The following RCAN1 variants were observed in gnomAD, a reference collection of about 807,000 sequenced individuals.
The protein encoded by RCAN1 is regulator of calcineurin 1, also known as calcipressin-1.
Under a neutral mutation model 22.9 loss-of-function variants are expected in RCAN1, and 11 were observed. The observed-to-expected ratio is 0.48, with a 90% CI of 0.30 to 0.79. RCAN1 has a LOEUF of 0.79. Ranked by LOEUF, RCAN1 falls within the 30% of genes least tolerant of loss-of-function variation. RCAN1 has a pLI of 0.06. For synonymous variants in RCAN1, 136 were observed against 142.3 expected, an observed-to-expected ratio of 0.96 and a Z score of 0.32; for missense variants, 291 against 337.8, an observed-to-expected ratio of 0.86 and a Z score of 1.09.
chr21:34,539,506 T>G (rs1407063305), intron 1 of RCAN1, among the ~76,000 whole-genome samples: 2 of 152,244 alleles, frequency 1.3e-5, no homozygotes, highest in Non-Finnish European at 2.9e-5. Flanking sequence ...TGGATTTGGA[T>G]TATTTAGATT....
chr21:34,521,813 G>C (rs1374710244), intron 2 of RCAN1, 155 bp from the exon 3 acceptor site: 2 of 643,388 alleles, frequency 3.1e-6, no homozygotes, highest in South Asian at 2.0e-5. Context: ...GTCTGTAATG[G>C]GGAGGGCAAA....
At chr21:34,592,221 A>G (rs1241772457) in intron 1 of RCAN1, among the ~76,000 whole-genome samples, 1 of 152,224 alleles carries the variant, frequency 6.6e-6, no homozygotes, top group African/African-American at 2.4e-5. Context: ...TCAGCCTCAC[A>G]GCCCACCTGG....
chr21:34,526,283 A>T (rs543086422), intron 1 of RCAN1, among the ~76,000 whole-genome samples: 1 of 152,332 alleles, frequency 6.6e-6, no homozygotes, highest in East Asian at 1.9e-4. Flanking sequence ...TATAACATTT[A>T]TTTCCTAAGA....
intron 1 of RCAN1, among the ~76,000 whole-genome samples, chr21:34,569,469 T>A (rs1987158331): frequency 6.6e-6 from 1 of 152,214 alleles, no homozygotes; most frequent in South Asian, 2.1e-4. Context: ...GGTGATGTTT[T>A]ATGTGTTACC....
chr21:34,584,010 G>C (rs892017372), intron 1 of RCAN1, among the ~76,000 whole-genome samples: 4 of 152,076 alleles, frequency 2.6e-5, no homozygotes. Flanking sequence ...AATTAACTTG[G>C]AACAACTTTT....
At chr21:34,533,481 C>T (rs890163985) in intron 1 of RCAN1, among the ~76,000 whole-genome samples, 6 of 152,298 alleles carry the variant, frequency 3.9e-5, no homozygotes, top group Admixed American at 1.3e-4. Context: ...CCTTCAATGA[C>T]TTCCCTTTGC....
At chr21:34,584,956 C>G (rs1557270) in intron 1 of RCAN1, among the ~76,000 whole-genome samples, 1 of 152,134 alleles carries the variant, frequency 6.6e-6, no homozygotes, top group East Asian at 1.9e-4. Context: ...TTTTGCTATG[C>G]ATTTAATGGA....
intron 1 of RCAN1, among the ~76,000 whole-genome samples, chr21:34,548,621 A>T (rs1335477788): frequency 6.6e-6 from 1 of 152,232 alleles, no homozygotes; most frequent in Non-Finnish European, 1.5e-5. Flanking sequence ...CCATTTTAGC[A>T]CTTGTAAAAC....
intron 1 of RCAN1, among the ~76,000 whole-genome samples, chr21:34,549,449 C>T (rs1986277158): frequency 6.6e-6 from 1 of 152,100 alleles, no homozygotes; most frequent in African/African-American, 2.4e-5. Flanking sequence ...AATGCATCTA[C>T]CAGATGATTC....
chr21:34,578,679 T>C (rs1723713495), intron 1 of RCAN1, among the ~76,000 whole-genome samples: 1 of 152,220 alleles, frequency 6.6e-6, no homozygotes. Context: ...CTAAGGGCTC[T>C]GGAAGAATCT....
At chr21:34,556,870 C>G (rs1601171052) in intron 1 of RCAN1, among the ~76,000 whole-genome samples, 1 of 152,278 alleles carries the variant, frequency 6.6e-6, no homozygotes, top group East Asian at 1.9e-4. Context: ...GAGAAGGGTG[C>G]TTTCACTGCA....
intron 1 of RCAN1, among the ~76,000 whole-genome samples, chr21:34,528,395 A>G (rs1043401998): frequency 6.6e-5 from 10 of 152,238 alleles, no homozygotes; most frequent in African/African-American, 2.4e-4. Context: ...TTGCCAAATT[A>G]TCCATAACTC....
chr21:34,522,747 T>A (rs950026707), intron 2 of RCAN1: 2 of 129,628 alleles, frequency 1.5e-5, no homozygotes, highest in African/African-American at 2.8e-5. Flanking sequence ...GTTGGGGGGG[T>A]GCTCAGAGCC....
intron 1 of RCAN1, among the ~76,000 whole-genome samples, chr21:34,563,178 C>A (rs1254426475): frequency 2.0e-5 from 3 of 152,160 alleles, no homozygotes; most frequent in Admixed American, 2.0e-4. Context: ...CTTTAGCCAC[C>A]AGAAACCTGA....
chr21:34,534,373 A>G (rs58586162), intron 1 of RCAN1, among the ~76,000 whole-genome samples: 36,733 of 151,778 alleles, frequency 0.24, 5,119 homozygotes, highest in African/African-American at 0.38. Flanking sequence ...CCCATCCCCC[A>G]ACTAAGTGTT....
chr21:34,613,412 G>A (rs1019244409), intron 1 of RCAN1, among the ~76,000 whole-genome samples: 10 of 152,190 alleles, frequency 6.6e-5, no homozygotes, highest in African/African-American at 1.9e-4. Flanking sequence ...ATCCCGTAGC[G>A]AAGTCTCAAT....
intron 1 of RCAN1, among the ~76,000 whole-genome samples, chr21:34,597,493 G>T (rs1988201349): frequency 6.6e-6 from 1 of 152,088 alleles, no homozygotes; most frequent in African/African-American, 2.4e-5. Context: ...CTTCTTTAAA[G>T]AAGAATTGTG....
At chr21:34,564,245 T>G (rs1284790165) in intron 1 of RCAN1, among the ~76,000 whole-genome samples, 2 of 152,132 alleles carry the variant, frequency 1.3e-5, no homozygotes, top group African/African-American at 4.8e-5. Flanking sequence ...CCTTGACATG[T>G]GGGCATTATG....
chr21:34,580,774 G>A (rs9978350), intron 1 of RCAN1, among the ~76,000 whole-genome samples: 1 of 152,150 alleles, frequency 6.6e-6, no homozygotes, highest in African/African-American at 2.4e-5. Context: ...GAGAGGTCAA[G>A]TGTCTGGCTG....
Sources: allele counts gnomAD v4.1 joint callset (sites outside exome capture counted in the v4.1 genomes callset), GRCh38; gene constraint gnomAD v4.1.1; transcripts MANE v1.5; gene names NCBI Gene and HGNC (gene_info 2026-07-23, HGNC 2026-07-21).